Variants in PCDHA3 observed in about 807,000 individuals in gnomAD.
PCDHA3 encodes the protein protocadherin alpha-3.
In PCDHA3, 41 loss-of-function variants were observed where a neutral mutation model predicts 62.2. That is an observed-to-expected ratio of 0.66 (90% CI 0.51 to 0.86). The LOEUF (loss-of-function observed/expected upper bound fraction) is 0.86, where lower values mean the gene tolerates loss of function less well. Ranked by LOEUF, PCDHA3 falls within the 40% of genes least tolerant of loss-of-function variation. PCDHA3 has a pLI of 0.00. For synonymous variants in PCDHA3, 640 were observed against 555.4 expected (o/e 1.15, Z -2.14); for missense variants, 1,304 against 1,241.2 (o/e 1.05, Z -0.76).
intron 3 of PCDHA3, 104 bp from the exon 4 acceptor site, chr5:141,009,523 G>A: frequency 6.7e-7 from 1 of 1,502,140 alleles, no homozygotes; most frequent in Non-Finnish European, 8.9e-7. Flanking sequence ...GATTTTTCTG[G>A]GGAGGTTCAG....
Position 140,828,183 on chromosome 5 carries a change from T to C in PCDHA3, c.2394+24592T>C, listed in dbSNP as rs2150151991. The C allele has an allele frequency of 1.9e-6, 3 of 1,614,120 alleles. No individual in the cohort carries two copies. The Admixed American group carries it at 5.0e-5, about 27-fold the overall frequency. ...GCCTGGAAGGTGGGGAGCGGCCAGC[T>C]CCACTACTCCGTACCCGAGGAGGCC... On this transcript the variant is annotated intron_variant, in intron 1 of 3. Coordinates refer to ENST00000522353, the MANE Select transcript of PCDHA3 (RefSeq NM_018906.3).
intron 1 of PCDHA3, chr5:140,836,213 G>A (rs2150255570): frequency 1.9e-6 from 3 of 1,613,848 alleles, no homozygotes; most frequent in Non-Finnish European, 2.5e-6. Flanking sequence ...TTTCGTATGA[G>A]TTGCAACCGG....
At chr5:140,984,576 C>G (rs1309554018) in intron 3 of PCDHA3, among the ~76,000 whole-genome samples, 1 of 152,104 alleles carries the variant, frequency 6.6e-6, no homozygotes, top group African/African-American at 2.4e-5. Context: ...CCATGGCAAC[C>G]TAATCATACT....
At chr5:140,952,158 G>A (rs2094696814) in intron 1 of PCDHA3, among the ~76,000 whole-genome samples, 1 of 151,946 alleles carries the variant, frequency 6.6e-6, no homozygotes, top group Non-Finnish European at 1.5e-5. Flanking sequence ...GTGGCTTTGT[G>A]GGGTTCAGTT....
Position 140,877,109 on chromosome 5 carries a change from G to A in PCDHA3, c.2394+73518G>A, listed in dbSNP as rs370191624. ...CGCGACGCCGGCGTGCCGCCTCTGG[G>A]CAGCAACGTGACGCTGCAGGTGTTC... is the stretch of plus-strand genomic sequence containing the variant. On this transcript the variant is annotated intron_variant, in intron 1 of 3. Transcript: ENST00000522353. The A allele has an allele frequency of 9.3e-6, 15 of 1,613,472 alleles. No individual in the cohort carries two copies. In the African/African-American group the frequency reaches 1.9e-4, roughly 20 times the overall value.
At chr5:140,942,863 T>A (rs1223265899) in intron 1 of PCDHA3, among the ~76,000 whole-genome samples, 2 of 152,126 alleles carry the variant, frequency 1.3e-5, no homozygotes, top group Non-Finnish European at 2.9e-5. Context: ...TTATTTTGCT[T>A]TAGCATGACA....
intron 1 of PCDHA3, chr5:140,851,170 A>T: frequency 7.9e-7 from 1 of 1,265,740 alleles, no homozygotes; most frequent in Non-Finnish European, 1.0e-6. Flanking sequence ...ATGCTGCCAT[A>T]ACACTTGAAA....
intron 1 of PCDHA3, chr5:140,968,964 G>A (rs782792392): frequency 7.4e-6 from 12 of 1,614,136 alleles, no homozygotes; most frequent in East Asian, 4.5e-5. Context: ...AAGTGCTACC[G>A]CTACACTGCG....
At chr5:140,829,229 G>T (rs1554131821) in intron 1 of PCDHA3, 11 of 1,614,240 alleles carry the variant, frequency 6.8e-6, no homozygotes, top group Non-Finnish European at 8.5e-6. Flanking sequence ...CCTCGATTCA[G>T]GTGCCAACGG....
At chr5:140,842,163 T>G (rs1777744239) in intron 1 of PCDHA3, 1 of 1,613,748 alleles carries the variant, frequency 6.2e-7, no homozygotes, top group African/African-American at 1.3e-5. Context: ...TCATATTCTT[T>G]TAATAGCCTT....
intron 1 of PCDHA3, chr5:140,821,956 C>T (rs1767130325): frequency 1.2e-6 from 2 of 1,614,176 alleles, no homozygotes; most frequent in Middle Eastern, 1.7e-4. Flanking sequence ...GCTGGTGCCG[C>T]GCCTGTTCCG....
chr5:141,000,447 G>C (rs2097938373), intron 3 of PCDHA3, among the ~76,000 whole-genome samples: 1 of 41,758 alleles, frequency 2.4e-5, no homozygotes, highest in Admixed American at 2.7e-4. Flanking sequence ...TTTTTTTTGA[G>C]ACAGAGTTTT....
intron 1 of PCDHA3, among the ~76,000 whole-genome samples, chr5:140,898,316 G>T (rs1487888782): frequency 6.6e-6 from 1 of 152,168 alleles, no homozygotes; most frequent in Non-Finnish European, 1.5e-5. Flanking sequence ...GGTTTTTATG[G>T]TTTTGGGTCT....
chr5:140,999,403 A>G (rs1325467300), intron 3 of PCDHA3, among the ~76,000 whole-genome samples: 7 of 152,176 alleles, frequency 4.6e-5, no homozygotes, highest in African/African-American at 1.7e-4. Context: ...TTTGCATATG[A>G]AAGAATGGGA....
chr5:141,011,247 G>A lies in PCDHA3; in HGVS notation c.*1310G>A, dbSNP rs1554263390. On this transcript the variant is annotated 3_prime_UTR_variant, in exon 4 of 4. Transcript: ENST00000522353. The stretch of plus-strand genomic sequence containing the variant: ...TCTACTAATTCTGTGACTTGTCTTG[G>A]TGTGCTAGCCTACACCTTCTCTTTG... The A allele has an allele frequency of 2.0e-5, 3 of 153,772 alleles. No individual in the cohort carries two copies. The highest frequency in any genetic ancestry group is 7.2e-5 in the African/African-American group (3 of 41,538). The allele number at this position is 153,772 out of a possible 1,614,324, so 9.5% of individuals were successfully genotyped here.
At chr5:140,888,645 C>A (rs1275572541) in intron 1 of PCDHA3, among the ~76,000 whole-genome samples, 2 of 152,200 alleles carry the variant, frequency 1.3e-5, no homozygotes, top group African/African-American at 4.8e-5. Context: ...GCAATACTTT[C>A]CTGAGGACAC....
chr5:140,985,590 T>C (rs1049609959), intron 3 of PCDHA3, among the ~76,000 whole-genome samples: 5 of 152,166 alleles, frequency 3.3e-5, no homozygotes, highest in African/African-American at 1.2e-4. Flanking sequence ...TCCTTATACT[T>C]GCTTCAGAGC....
At chr5:140,973,207 A>C (rs1335984656) in intron 1 of PCDHA3, among the ~76,000 whole-genome samples, 1 of 152,100 alleles carries the variant, frequency 6.6e-6, no homozygotes, top group Non-Finnish European at 1.5e-5. Flanking sequence ...GTGCATATTC[A>C]CCCTAATTCC....
intron 1 of PCDHA3, chr5:140,829,818 C>T: frequency 1.2e-6 from 2 of 1,613,864 alleles, no homozygotes; most frequent in Non-Finnish European, 1.7e-6. Flanking sequence ...ACTGGTGGTG[C>T]AGTGAGCGAG....
Sources: allele counts gnomAD v4.1 joint callset (sites outside exome capture counted in the v4.1 genomes callset), GRCh38; gene constraint gnomAD v4.1.1; transcripts MANE v1.5; gene names NCBI Gene and HGNC (gene_info 2026-07-23, HGNC 2026-07-21).